The following TENM2 variants were observed in gnomAD, a reference collection of about 807,000 sequenced individuals.
The protein encoded by TENM2 is teneurin-2.
A neutral mutation model predicts 245.2 loss-of-function variants in TENM2; 52 were observed. That is an observed-to-expected ratio of 0.21 (90% CI 0.17 to 0.27). The LOEUF (loss-of-function observed/expected upper bound fraction) is 0.27, where lower values mean the gene tolerates loss of function less well. TENM2 is among the 10% of genes least tolerant of loss of function. The pLI is 1.00. For synonymous variants in TENM2, 1,363 were observed against 1,438.9 expected (o/e 0.95, Z 1.19); for missense variants, 3,046 against 3,666.8 (o/e 0.83, Z 4.37).
At chr5:168,082,242 A>G (rs1792069001) in intron 7 of TENM2, among the ~76,000 whole-genome samples, 1 of 152,138 alleles carries the variant, frequency 6.6e-6, no homozygotes, top group Non-Finnish European at 1.5e-5. Flanking sequence ...AAGCTTGTGC[A>G]TGCGTCACGT....
intron 2 of TENM2, among the ~76,000 whole-genome samples, chr5:167,522,985 G>A (rs1240000030): frequency 6.6e-6 from 1 of 151,226 alleles, no homozygotes; most frequent in Non-Finnish European, 1.5e-5. Flanking sequence ...GGGGAGAAGA[G>A]GCAATGGCCT....
At chr5:167,548,939 C>T (rs1772750479) in intron 2 of TENM2, among the ~76,000 whole-genome samples, 1 of 152,136 alleles carries the variant, frequency 6.6e-6, no homozygotes. Context: ...ATTAATAATC[C>T]TGCAGAATTG....
At chr5:168,148,989 G>A (rs1175590948) in intron 12 of TENM2, among the ~76,000 whole-genome samples, 1 of 152,066 alleles carries the variant, frequency 6.6e-6, no homozygotes, top group African/African-American at 2.4e-5. Flanking sequence ...TGGCCTATAG[G>A]GTTAAAGAGA....
At chr5:168,177,790 T>C (rs1389299836) in intron 13 of TENM2, among the ~76,000 whole-genome samples, 1 of 152,108 alleles carries the variant, frequency 6.6e-6, no homozygotes, top group African/African-American at 2.4e-5. Flanking sequence ...TGAGCCAAGA[T>C]TGCACCACTG....
intron 12 of TENM2, among the ~76,000 whole-genome samples, chr5:168,159,464 G>A (rs1415506388): frequency 6.6e-6 from 1 of 152,196 alleles, no homozygotes; most frequent in Non-Finnish European, 1.5e-5. Context: ...CCTCTCCAGA[G>A]AAAAGCCTCT....
chr5:167,136,444 A>G, the TENM2 span, among the ~76,000 whole-genome samples: 3 of 152,228 alleles, frequency 2.0e-5, no homozygotes, highest in African/African-American at 4.8e-5. Flanking sequence ...AACCAGTGGA[A>G]GAAATAACAG....
intron 3 of TENM2, among the ~76,000 whole-genome samples, chr5:167,876,490 A>G (rs1773438421): frequency 6.6e-6 from 1 of 152,152 alleles, no homozygotes; most frequent in South Asian, 2.1e-4. Flanking sequence ...GCAGAGAGAC[A>G]CCGGCATATT....
intron 13 of TENM2, among the ~76,000 whole-genome samples, chr5:168,166,710 A>G (rs1758338738): frequency 6.6e-6 from 1 of 152,200 alleles, no homozygotes; most frequent in South Asian, 2.1e-4. Context: ...CATCCATTCT[A>G]TGTAATGAAT....
chr5:167,304,667 A>T (rs1031989947), intron 1 of TENM2, among the ~76,000 whole-genome samples: 1 of 151,956 alleles, frequency 6.6e-6, no homozygotes, highest in Non-Finnish European at 1.5e-5. Flanking sequence ...TGTTTTTTTT[A>T]AAGAATTTTA....
At chr5:167,060,666 AAAG>A in the TENM2 span, among the ~76,000 whole-genome samples, 14 of 151,802 alleles carry the variant, frequency 9.2e-5, no homozygotes, top group African/African-American at 3.1e-4. Context: ...AAAAAAAAAA[AAAG>A]AAATACATTA....
At chr5:167,912,542 G>T (rs186319191) in intron 3 of TENM2, among the ~76,000 whole-genome samples, 1 of 152,168 alleles carries the variant, frequency 6.6e-6, no homozygotes, top group Non-Finnish European at 1.5e-5. Context: ...ATTATACAAC[G>T]GGAGTGGGAG....
rs150852023 is a variant in TENM2, at chr5:168,024,271, T to C, written c.1187-23156T>C. On this transcript the variant is annotated intron_variant, in intron 5 of 28. Transcript: ENST00000518659. ...CGCACCTATGCCACCTACAGTACCA[T>C]ACCTAAAGAGGGGTAATTGGAGCTC... Among the ~76,000 whole-genome samples, 3 of 152,232 alleles carry C rather than the reference T, an allele frequency of 2.0e-5. No homozygotes were observed. The East Asian group carries it at 5.8e-4, about 29-fold the overall frequency.
intron 2 of TENM2, among the ~76,000 whole-genome samples, chr5:167,872,509 A>C (rs1360996739): frequency 2.7e-4 from 3 of 10,928 alleles, no homozygotes; most frequent in Non-Finnish European, 6.7e-4. Context: ...AGAAAGAAAG[A>C]AAGAAAGAAA....
At chr5:167,859,415 TC>T (rs1771469462) in intron 2 of TENM2, among the ~76,000 whole-genome samples, 1 of 143,534 alleles carries the variant, frequency 7.0e-6, no homozygotes, top group Non-Finnish European at 1.5e-5. Context: ...AGCCGCCCCG[TC>T]CGGGAGGTGA....
chr5:168,080,758 T>A (rs1364254017), intron 7 of TENM2, among the ~76,000 whole-genome samples: 1 of 152,230 alleles, frequency 6.6e-6, no homozygotes, highest in African/African-American at 2.4e-5. Flanking sequence ...AGTTTCTTAA[T>A]CCTGAATTCT....
the TENM2 span, among the ~76,000 whole-genome samples, chr5:167,024,911 A>T: frequency 6.6e-6 from 1 of 152,178 alleles, no homozygotes; most frequent in Non-Finnish European, 1.5e-5. Context: ...ATGAAGTTAC[A>T]TCTCTCAAGC....
At chr5:167,966,509 CT>C (rs1483739114) in intron 4 of TENM2, among the ~76,000 whole-genome samples, 1 of 152,100 alleles carries the variant, frequency 6.6e-6, no homozygotes, top group Non-Finnish European at 1.5e-5. Context: ...TAAAAACACA[CT>C]TTTTGTCTTC....
rs77071654 is a variant in TENM2 at position 168,121,567 on chromosome 5, C to T, written c.2008+3081C>T. On this transcript the variant is annotated intron_variant, in intron 10 of 28. Transcript: ENST00000518659. The stretch of plus-strand genomic sequence containing the variant: ...TTTTTTGATGGCATTCTAGTACCGG[C>T]GCTAATAAATCTCTGTGGATTTTCC... Among the ~76,000 whole-genome samples the T allele has an allele frequency of 6.8e-3, 1,038 of 152,164 alleles. 14 individuals carry two copies. The highest frequency in any genetic ancestry group is 0.031 in the Middle Eastern group (9 of 294).
chr5:167,904,742 T>C (rs985718126), intron 3 of TENM2, among the ~76,000 whole-genome samples: 4 of 152,150 alleles, frequency 2.6e-5, no homozygotes, highest in African/African-American at 9.7e-5. Flanking sequence ...ATTTTTTAAC[T>C]CCCAATTCAT....
Sources: gnomAD v4.1 joint callset for allele counts (sites outside exome capture counted in the v4.1 genomes callset) on GRCh38, gnomAD v4.1.1 for gene constraint, MANE v1.5 for transcripts, NCBI Gene and HGNC (gene_info 2026-07-23, HGNC 2026-07-21) for gene names.